Variants in ZNF442 observed in about 807,000 individuals in gnomAD.
ZNF442 encodes zinc finger protein 442.
A neutral mutation model predicts 57.0 loss-of-function variants in ZNF442; 45 were observed. The observed-to-expected ratio is 0.79, with a 90% CI of 0.62 to 1.01. The LOEUF (loss-of-function observed/expected upper bound fraction) is 1.01. ZNF442 is among the 50% of genes least tolerant of loss of function. The probability of loss-of-function intolerance (pLI) is 0.00; values close to 1 mark genes in which losing one functional copy is unlikely to be tolerated. For synonymous variants in ZNF442, 213 were observed against 241.8 expected, an observed-to-expected ratio of 0.88 and a Z score of 1.10; for missense variants, 690 against 756.5, an observed-to-expected ratio of 0.91 and a Z score of 1.03.
chr19:12,349,996 T>C lies in ZNF442; in HGVS notation c.1589A>G (p.Asn530Ser), dbSNP rs1599585413. Residue 530 changes from asparagine (N) to serine (S), a missense_variant, in exon 6 of 6, where the codon AAC becomes AGC. Physicochemically the swap from Asn to Ser is conservative, Grantham distance 46. Transcript: ENST00000242804. ...GTGAATCCTTTCATGGACTTTTAAG[T>C]TACCAAAATGACTGAAGGCTTTCTT... The part of the protein sequence containing the change: ...TCKKAFSHFG[N>S]LKVHERIHTG... 9.3e-6 allele frequency: 15 copies of C among 1,614,072 alleles called. No homozygotes were observed. The Middle Eastern group carries it at 4.9e-4, about 53-fold the overall frequency.
In ZNF442 at chr19:12,362,093, G is replaced by A. The variant is rs1042749425; in HGVS notation, c.78+1461C>T. 1.8e-4 allele frequency among the ~76,000 whole-genome samples: 28 copies of A among 152,300 alleles called. No homozygotes were observed. The South Asian group carries it at 3.7e-3, about 20-fold the overall frequency. On this transcript the variant is annotated intron_variant, in intron 3 of 5. Coordinates refer to ENST00000242804, the MANE Select transcript of ZNF442 (RefSeq NM_030824.3). ...TACAACCTCCACCTCCCAGCCGCCT[G>A]CCTTGGCCTCCCAAAGTGCCGAGAT...
At chr19:12,353,159 G>A (rs780629084) in intron 3 of ZNF442, 45 bp from the exon 4 acceptor site, 2 of 1,539,074 alleles carry the variant, frequency 1.3e-6, no homozygotes, top group Non-Finnish European at 1.7e-6. Flanking sequence ...GAGACTGATA[G>A]TACCAAAAAT....
chr19:12,359,048 A>C (rs1969380956), intron 3 of ZNF442, among the ~76,000 whole-genome samples: 1 of 152,204 alleles, frequency 6.6e-6, no homozygotes, highest in Non-Finnish European at 1.5e-5. Context: ...ACAGCAAAGG[A>C]AGGGGAGGGA....
upstream of ZNF442, among the ~76,000 whole-genome samples, chr19:12,366,284 G>T (rs1398101871): frequency 6.6e-6 from 1 of 152,156 alleles, no homozygotes; most frequent in African/African-American, 2.4e-5. Context: ...GAAGGGAAAA[G>T]AAAAAACCTG....
upstream of ZNF442, among the ~76,000 whole-genome samples, chr19:12,366,834 C>T (rs1340501955): frequency 2.0e-5 from 3 of 152,276 alleles, no homozygotes; most frequent in African/African-American, 7.2e-5. Flanking sequence ...AGGGTTTCAC[C>T]ATGTTGCCCA....
chr19:12,366,325 C>T (rs1969530057), upstream of ZNF442, among the ~76,000 whole-genome samples: 1 of 152,158 alleles, frequency 6.6e-6, no homozygotes. Context: ...AGCCACAGTT[C>T]AGCAGGAAAC....
At chr19:12,367,284 C>A (rs551470198), upstream of ZNF442, among the ~76,000 whole-genome samples, 33 of 152,130 alleles carry the variant, frequency 2.2e-4, no homozygotes, top group Non-Finnish European at 4.1e-4. Flanking sequence ...GGCTGCAAAA[C>A]CAGCAAGTTT....
chr19:12,351,055 C>T lies in ZNF442; in HGVS notation c.530G>A (p.Gly177Glu). The change falls in exon 6 of 6, where the codon GGA becomes GAA. Residue 177 changes from glycine (G) to glutamate (E), a missense_variant. By Grantham distance (98) the Gly-to-Glu change is moderately conservative. Transcript: ENST00000242804. Reference protein sequence around the residue: ...SFQTQERPHTGKKRYDCKECG... With the variant: ...SFQTQERPHTEKKRYDCKECG... ...TTCCTTACAATCATAGCGTTTCTTT[C>T]CAGTGTGAGGTCTTTCCTGTGTTTG... is the stretch of plus-strand genomic sequence containing the variant. 2.5e-6 allele frequency: 4 copies of T among 1,614,166 alleles called. No individual in the cohort carries two copies. The highest frequency in any genetic ancestry group is 3.4e-6 in the Non-Finnish European group (4 of 1,180,020).
the ZNF442 span, among the ~76,000 whole-genome samples, chr19:12,373,369 G>A: frequency 4.6e-5 from 7 of 151,866 alleles, no homozygotes; most frequent in Admixed American, 1.3e-4. Flanking sequence ...GCAAAACCCC[G>A]CCTTTACCAA....
chr19:12,351,850 T>A, intron 5 of ZNF442, 160 bp downstream of exon 5: 2 of 599,536 alleles, frequency 3.3e-6, no homozygotes, highest in Non-Finnish European at 5.6e-6. Flanking sequence ...AAACACTGAA[T>A]AGTTATATCA....
chr19:12,363,133 T>A (rs1183974490), intron 3 of ZNF442, among the ~76,000 whole-genome samples: 2 of 120,742 alleles, frequency 1.7e-5, no homozygotes, highest in Admixed American at 1.1e-4. Context: ...CATTCCAGCC[T>A]GGGCAACAGT....
chr19:12,363,185 T>C (rs932979630), intron 3 of ZNF442, among the ~76,000 whole-genome samples: 1 of 141,228 alleles, frequency 7.1e-6, no homozygotes, highest in Admixed American at 7.2e-5. Flanking sequence ...AAAAAAGGAA[T>C]AGATGGCTAC....
chr19:12,356,050 T>G (rs1969323106), intron 3 of ZNF442, among the ~76,000 whole-genome samples: 1 of 149,756 alleles, frequency 6.7e-6, no homozygotes, highest in South Asian at 2.1e-4. Flanking sequence ...AAATGAGGAG[T>G]CTTCCAAATT....
chr19:12,371,421 A>G, the ZNF442 span, among the ~76,000 whole-genome samples: 1 of 152,328 alleles, frequency 6.6e-6, no homozygotes, highest in South Asian at 2.1e-4. Flanking sequence ...GTAATATTAT[A>G]TACTTACTTT....
the ZNF442 span, among the ~76,000 whole-genome samples, chr19:12,371,941 C>T: frequency 6.6e-6 from 1 of 152,126 alleles, no homozygotes; most frequent in African/African-American, 2.4e-5. Context: ...AAAACATTGA[C>T]AAGTGGGATC....
chr19:12,370,777 A>G (rs1373824633), upstream of ZNF442, among the ~76,000 whole-genome samples: 1 of 152,038 alleles, frequency 6.6e-6, no homozygotes, highest in Non-Finnish European at 1.5e-5. Flanking sequence ...GTTCAAGATC[A>G]GCCTGGCCAA....
In ZNF442 at chr19:12,350,183, C is replaced by T; in HGVS notation, c.1402G>A (p.Ala468Thr). ...EKPYKCKCGKAFIDFYSFQNH... is the reference protein window; with the variant it reads ...EKPYKCKCGKTFIDFYSFQNH... ...TGAAAGGAATAGAAATCAATAAAGGCTTTCCCACATTTACATTTATAGGGT... is the reference window on the plus strand; with the variant it reads ...TGAAAGGAATAGAAATCAATAAAGGTTTTCCCACATTTACATTTATAGGGT... Residue 468 changes from alanine to threonine, a missense_variant, in exon 6 of 6, where the codon GCC (alanine) becomes ACC (threonine). By Grantham distance (58) the Ala-to-Thr change is moderately conservative. Coordinates refer to ENST00000242804, the MANE Select transcript of ZNF442 (RefSeq NM_030824.3). 6.2e-7 allele frequency: 1 copy of T among 1,613,918 alleles called. No homozygotes were observed. The highest frequency in any genetic ancestry group is 2.2e-5 in the East Asian group (1 of 44,848).
upstream of ZNF442, among the ~76,000 whole-genome samples, chr19:12,370,741 G>A (rs956038503): frequency 7.9e-5 from 12 of 152,188 alleles, no homozygotes; most frequent in African/African-American, 1.7e-4. Context: ...TTGGCAGGCC[G>A]AGGCAGGTGA....
At chr19:12,370,235 T>C (rs930316062), upstream of ZNF442, among the ~76,000 whole-genome samples, 2 of 151,366 alleles carry the variant, frequency 1.3e-5, no homozygotes, top group African/African-American at 4.9e-5. Context: ...TGGGAGACAG[T>C]GACAGATCTT....
Sources: gnomAD v4.1 joint callset for allele counts (sites outside exome capture counted in the v4.1 genomes callset) on GRCh38, gnomAD v4.1.1 for gene constraint, MANE v1.5 for transcripts, NCBI Gene and HGNC (gene_info 2026-07-23, HGNC 2026-07-21) for gene names.